The following LRRC53 variants were observed in gnomAD, a reference collection of about 807,000 sequenced individuals.
LRRC53 encodes the protein leucine rich repeat containing 53.
LRRC53 carries 25 observed loss-of-function variants against 13.6 expected under a neutral mutation model. The ratio of observed to expected loss-of-function variants is 1.83; its 90% CI spans 1.34 to 2.56. The LOEUF is 2.56. Among genes scored for constraint, LRRC53 ranks in the 30% most tolerant of loss-of-function variants. The pLI is 0.00. For synonymous variants in LRRC53, 204 were observed against 109.8 expected (o/e 1.86, Z -5.37); for missense variants, 527 against 275.8 (o/e 1.91, Z -6.45).
At chr1:74,508,686 A>G (rs1431397358) in intron 1 of LRRC53, among the ~76,000 whole-genome samples, 3 of 152,154 alleles carry the variant, frequency 2.0e-5, no homozygotes, top group South Asian at 2.1e-4. Context: ...TCAGAGCCCA[A>G]CCCGGGGCAT....
At chr1:74,499,360 G>A (rs920187257) in intron 1 of LRRC53, among the ~76,000 whole-genome samples, 3 of 152,046 alleles carry the variant, frequency 2.0e-5, no homozygotes, top group Non-Finnish European at 4.4e-5. Context: ...TGCCCAGGCT[G>A]GTCTCCTAAG....
At chr1:74,495,064 C>T (rs991315810) in intron 1 of LRRC53, among the ~76,000 whole-genome samples, 1 of 152,160 alleles carries the variant, frequency 6.6e-6, no homozygotes, top group African/African-American at 2.4e-5. Context: ...TGAAAAAACC[C>T]ATCAGCTTTT....
At chr1:74,472,726 A>G (rs1180073702) in intron 4 of LRRC53, among the ~76,000 whole-genome samples, 3 of 152,160 alleles carry the variant, frequency 2.0e-5, no homozygotes, top group African/African-American at 7.2e-5. Context: ...ATTTCCCATA[A>G]CTTAATAAAA....
At position 74,490,183 on chromosome 1, in the gene LRRC53, C is replaced by T. The variant is rs187483727; in HGVS notation, c.-26-6808G>A. Among the ~76,000 whole-genome samples, 405 of 151,128 alleles carry T rather than the reference C, an allele frequency of 2.7e-3. 3 individuals are homozygous for T. Among genetic ancestry groups the T allele is most frequent in the African/African-American group, 9.0e-3 (372 of 41,236 alleles). ...TCTTTGCTGGAATTTCTAAAGAAAA[C>T]TTTTGTGTAAAAAGAAGCTTCAGTG... On this transcript the variant is annotated intron_variant, in intron 1 of 4. Transcript: ENST00000294635.
chr1:74,524,270 C>T, the LRRC53 span, among the ~76,000 whole-genome samples: 1,220 of 152,322 alleles, frequency 8.0e-3, 18 homozygotes, highest in African/African-American at 0.027. Context: ...CTGATCTCTG[C>T]CCCATTCAGA....
upstream of LRRC53, among the ~76,000 whole-genome samples, chr1:74,515,448 G>A (rs931730635): frequency 3.9e-5 from 6 of 152,146 alleles, no homozygotes; most frequent in Non-Finnish European, 5.9e-5. Flanking sequence ...AAATTCTAAC[G>A]TTTTATCATG....
In LRRC53 at chr1:74,470,844, C is replaced by A. The variant is rs1667891091; in HGVS notation, c.2778G>T (p.Arg926Ser). Reference protein sequence around the residue: ...SELNQFSLSPRNQTQLLDAHK... With the variant: ...SELNQFSLSPSNQTQLLDAHK... The stretch of plus-strand genomic sequence containing the variant: ...GAGCATCTAAAAGTTGTGTTTGATT[C>A]CTCGGGGACAAAGAAAACTGATTTA... The change falls in exon 5 of 5, where the codon AGG becomes AGT. Residue 926 changes from arginine to serine, a missense_variant. Transcript: ENST00000294635. The A allele has an allele frequency of 2.5e-6, 1 of 400,482 alleles. No homozygotes were observed. Among genetic ancestry groups the A allele is most frequent in the African/African-American group, 2.1e-5 (1 of 48,630 alleles). 24.8% of individuals were successfully genotyped at this position (400,482 alleles called of 1,614,324 possible). A position where few individuals can be genotyped will look rare whatever the true frequency, so the allele number is the denominator to read the frequency against.
At chr1:74,485,091 T>C (rs186940788) in intron 1 of LRRC53, among the ~76,000 whole-genome samples, 6 of 152,290 alleles carry the variant, frequency 3.9e-5, no homozygotes, top group African/African-American at 1.4e-4. Flanking sequence ...TAAACCATTG[T>C]ATCAAAGAAC....
chr1:74,506,854 T>G lies in LRRC53; in HGVS notation c.-27+5672A>C, dbSNP rs148018312. ...CTATGAGCATTCCTAATCTCATTCTTACACTTGATGGAAAGATTCACTGTC... is the reference window on the plus strand; with the variant it reads ...CTATGAGCATTCCTAATCTCATTCTGACACTTGATGGAAAGATTCACTGTC... On this transcript the variant is annotated intron_variant, in intron 1 of 4. Transcript: ENST00000294635. 3.5e-4 allele frequency among the ~76,000 whole-genome samples: 54 copies of G among 152,312 alleles called. 1 individual carries two copies. The South Asian group carries it at 3.9e-3, about 11-fold the overall frequency.
rs1035299252 is a variant in LRRC53, at chr1:74,472,041, G to T, written c.1581C>A (p.Ser527Arg). 1 of 710,756 alleles carries T rather than the reference G, an allele frequency of 1.4e-6. No homozygotes were observed. The highest frequency in any genetic ancestry group is 2.6e-6 in the Non-Finnish European group (1 of 382,392). The allele number at this position is 710,756 out of a possible 1,614,324, so 44.0% of individuals were successfully genotyped here. ...HPHRQRHFIT[S>R]SSSKPCEPEE... ...CAGGCTCACAAGGCTTGGATGATGA[G>T]CTTGTAATAAAATGTCTTTGCCTAT... The change falls in exon 5 of 5, where the codon AGC becomes AGA. Residue 527 changes from serine to arginine, a missense_variant. By Grantham distance (110) the Ser-to-Arg change is moderately radical (BLOSUM62 -1). Transcript: ENST00000294635.
rs566929852 is a variant in LRRC53, at chr1:74,471,264, C to T, written c.2358G>A (p.Arg786=). Residue 786 remains arginine (R), a synonymous_variant, in exon 5 of 5, where the codon AGG becomes AGA. Transcript: ENST00000294635. The part of the protein sequence containing the change: ...SSNYVRLTSK[R]LPLKHDSKQT... The stretch of plus-strand genomic sequence containing the variant: ...GCTTTGAGTCATGTTTCAGAGGCAG[C>T]CTCTTTGAAGTGAGTCTAACATAGT... 4.4e-4 allele frequency: 178 copies of T among 400,614 alleles called. No individual in the cohort carries two copies. The highest frequency in any genetic ancestry group is 3.4e-3 in the African/African-American group (164 of 48,758). The allele number at this position is 400,614 out of a possible 1,614,324, so 24.8% of individuals were successfully genotyped here.
Position 74,489,221 on chromosome 1 carries a change from G to C in LRRC53, c.-26-5846C>G, listed in dbSNP as rs761459078. 6.2e-6 allele frequency: 10 copies of C among 1,612,172 alleles called. No homozygotes were observed. ...CCGAATTTTCTGAAGTTGTCATGAA[G>C]TTAGAAGAGTGTCTCTGCAACATTG... On this transcript the variant is annotated intron_variant, in intron 1 of 4. Coordinates refer to ENST00000294635, the MANE Select transcript of LRRC53 (RefSeq NM_001382280.1).
chr1:74,487,864 G>A (rs1367372504), intron 1 of LRRC53, among the ~76,000 whole-genome samples: 5 of 152,298 alleles, frequency 3.3e-5, no homozygotes, highest in Middle Eastern at 3.4e-3. Flanking sequence ...TCTAGAGGAA[G>A]TGAGGTAGAG....
chr1:74,491,702 AT>A (rs1317067284), intron 1 of LRRC53, among the ~76,000 whole-genome samples: 3 of 152,236 alleles, frequency 2.0e-5, no homozygotes, highest in Non-Finnish European at 2.9e-5. Flanking sequence ...GAAGGGAATA[AT>A]TTCATGTAAA....
the LRRC53 span, among the ~76,000 whole-genome samples, chr1:74,536,855 CTG>C: frequency 6.6e-6 from 1 of 152,262 alleles, no homozygotes; most frequent in East Asian, 1.9e-4. Flanking sequence ...AGCTGCATCA[CTG>C]TATTTTCACT....
intron 1 of LRRC53, among the ~76,000 whole-genome samples, chr1:74,502,942 G>A (rs1029866543): frequency 2.6e-5 from 4 of 152,180 alleles, no homozygotes; most frequent in Non-Finnish European, 5.9e-5. Flanking sequence ...GCACATAAAA[G>A]GATGAACTTC....
chr1:74,486,201 AAG>A lies in LRRC53; in HGVS notation c.-26-2828_-26-2827del, dbSNP rs58506314. Among the ~76,000 whole-genome samples the A allele has an allele frequency of 5.6e-3, 762 of 136,338 alleles. 6 individuals carry two copies. The highest frequency in any genetic ancestry group is 0.037 in the East Asian group (158 of 4,310). 89.4% of individuals were successfully genotyped at this position (136,338 alleles called of 152,430 possible). A position where few individuals can be genotyped will look rare whatever the true frequency, so the allele number is the denominator to read the frequency against. On this transcript the variant is annotated intron_variant, in intron 1 of 4. Transcript: ENST00000294635. The stretch of plus-strand genomic sequence containing the variant: ...GTCTACCCTCAGGCTAAATGCTATA[AAG>A]AGAGAGAGAGAGAGAGAGAGAGAGA...
chr1:74,514,484 T>G (rs1394570708), upstream of LRRC53, among the ~76,000 whole-genome samples: 1 of 152,186 alleles, frequency 6.6e-6, no homozygotes, highest in East Asian at 1.9e-4. Flanking sequence ...ATTATTCACT[T>G]AAGAAGAAAA....
intron 1 of LRRC53, among the ~76,000 whole-genome samples, chr1:74,491,016 T>A (rs1669043400): frequency 6.6e-6 from 1 of 152,132 alleles, no homozygotes; most frequent in South Asian, 2.1e-4. Context: ...AAAGATATGA[T>A]TAGTCTTGTT....
Sources: allele counts gnomAD v4.1 joint callset (sites outside exome capture counted in the v4.1 genomes callset), GRCh38; gene constraint gnomAD v4.1.1; transcripts MANE v1.5; gene names NCBI Gene and HGNC (gene_info 2026-07-23, HGNC 2026-07-21).